EML1: variants seen among roughly 807,000 people sequenced by gnomAD.
EML1 encodes the protein echinoderm microtubule-associated protein-like 1.
In EML1, 27 loss-of-function variants were observed where a neutral mutation model predicts 110.4. The observed-to-expected ratio is 0.24, with a 90% CI of 0.18 to 0.34. EML1 has a LOEUF of 0.34. EML1 is among the 10% of genes least tolerant of loss of function. The probability of loss-of-function intolerance (pLI) is 1.00; values close to 1 mark genes in which losing one functional copy is unlikely to be tolerated. For synonymous variants in EML1, 344 were observed against 385.8 expected (o/e 0.89, Z 1.27); for missense variants, 741 against 1,030.9 (o/e 0.72, Z 3.85).
At chr14:99,866,208 C>T (rs1427783941) in intron 3 of EML1, among the ~76,000 whole-genome samples, 1 of 152,186 alleles carries the variant, frequency 6.6e-6, no homozygotes, top group East Asian at 1.9e-4. Context: ...TTTGGGAGGC[C>T]AAGGTGGGCG....
In EML1 at chr14:99,860,035, C is replaced by T. The variant is rs199741434; in HGVS notation, c.251-5479C>T. Among the ~76,000 whole-genome samples the T allele has an allele frequency of 1.1e-4, 16 of 152,210 alleles. No homozygotes were observed. In the East Asian group the frequency reaches 3.1e-3, roughly 30 times the overall value. Reference sequence around the variant, plus strand: ...ACCTTATTTTAGAAAGAATCCAAGGCGTGTGCTGTGTCTTCCAGCTCAGCT... The same window carrying T: ...ACCTTATTTTAGAAAGAATCCAAGGTGTGTGCTGTGTCTTCCAGCTCAGCT... On this transcript the variant is annotated intron_variant, in intron 2 of 21. Transcript: ENST00000262233.
intron 1 of EML1, among the ~76,000 whole-genome samples, chr14:99,842,370 A>C (rs886992306): frequency 5.3e-5 from 8 of 152,276 alleles, no homozygotes; most frequent in Non-Finnish European, 8.8e-5. Context: ...TGTACACAAG[A>C]AGGTTAAGAA....
chr14:99,873,619 A>G (rs1041749763), intron 3 of EML1, among the ~76,000 whole-genome samples: 1 of 152,182 alleles, frequency 6.6e-6, no homozygotes, highest in African/African-American at 2.4e-5. Flanking sequence ...GGTTCTCCCC[A>G]CTAGCTCGAG....
intron 1 of EML1, among the ~76,000 whole-genome samples, chr14:99,814,907 G>A (rs991805627): frequency 1.3e-5 from 2 of 152,152 alleles, no homozygotes; most frequent in African/African-American, 2.4e-5. Context: ...TCCTTGGAGG[G>A]TAGGTTGGAT....
In EML1 at chr14:99,939,875, A is replaced by ACGATAT; in HGVS notation, c.2323-112_2323-111insCGATAT. On this transcript the variant is annotated intron_variant, in intron 21 of 21. Coordinates refer to ENST00000262233, the MANE Select transcript of EML1 (RefSeq NM_004434.3). The surrounding 1 kb of genome is among the most constrained non-coding windows in gnomAD (Gnocchi z 4.2). ...GCAGGTTCCCAAGTGAGAGCTGCCG[A>ACGATAT]GCGGAGGGCGAGTAAAGGAATTAAG... 7.4e-7 allele frequency: 1 copy of ACGATAT among 1,348,058 alleles called. No individual in the cohort carries two copies. Among genetic ancestry groups the ACGATAT allele is most frequent in the Non-Finnish European group, 9.8e-7 (1 of 1,015,576 alleles). The allele number at this position is 1,348,058 out of a possible 1,614,324, so 83.5% of individuals were successfully genotyped here.
chr14:99,870,358 A>G (rs571622535), intron 3 of EML1, among the ~76,000 whole-genome samples: 57 of 152,354 alleles, frequency 3.7e-4, no homozygotes, highest in Middle Eastern at 3.4e-3. Flanking sequence ...TTAAGGGAAG[A>G]TGCCCTCTCC....
intron 2 of EML1, among the ~76,000 whole-genome samples, chr14:99,859,907 A>G (rs1196926671): frequency 2.6e-5 from 4 of 152,218 alleles, no homozygotes; most frequent in Non-Finnish European, 5.9e-5. Flanking sequence ...GATAATGGCT[A>G]CCACTTCTAG....
At chr14:99,756,453 T>TG (rs2140180954) in intron 1 of EML1, among the ~76,000 whole-genome samples, 1 of 152,340 alleles carries the variant, frequency 6.6e-6, no homozygotes, top group East Asian at 1.9e-4. Context: ...GGCCTCTGTC[T>TG]GGGGTTCCCA....
rs1258808713 is a variant in EML1, at chr14:99,897,223, C to T, written c.756C>T (p.Ser252=). The change falls in exon 7 of 22, where the codon TCC becomes TCT. Residue 252 remains serine (S), a synonymous_variant. Coordinates refer to ENST00000262233, the MANE Select transcript of EML1 (RefSeq NM_004434.3). The stretch of plus-strand genomic sequence containing the variant: ...GAGAGACCGTCTACTTCATCGCATC[C>T]GTGGTGGTGTTATACAACGTGGAGG... ...PTGETVYFIA[S]VVVLYNVEEQ... The T allele has an allele frequency of 4.3e-6, 7 of 1,613,006 alleles. No individual in the cohort carries two copies. The highest frequency in any genetic ancestry group is 1.1e-5 in the South Asian group (1 of 90,844).
chr14:99,756,885 C>T (rs897169980), intron 1 of EML1, among the ~76,000 whole-genome samples: 1 of 152,204 alleles, frequency 6.6e-6, no homozygotes, highest in Admixed American at 6.5e-5. Context: ...GCGGCCCGCA[C>T]TCTCACAGGG....
chr14:99,855,839 G>T (rs966472239), intron 2 of EML1, among the ~76,000 whole-genome samples: 1 of 152,150 alleles, frequency 6.6e-6, no homozygotes, highest in Non-Finnish European at 1.5e-5. Context: ...CTTCTGTTGG[G>T]GAGGTTAATA....
At chr14:99,782,685 G>A (rs531085611) in intron 1 of EML1, among the ~76,000 whole-genome samples, 5 of 152,138 alleles carry the variant, frequency 3.3e-5, no homozygotes, top group Admixed American at 1.3e-4. Context: ...TGGAGTCCTG[G>A]GACCATGGCA....
upstream of EML1, among the ~76,000 whole-genome samples, chr14:99,791,891 C>A (rs2057678481): frequency 6.6e-6 from 1 of 152,246 alleles, no homozygotes; most frequent in Admixed American, 6.5e-5. Flanking sequence ...CTTGTCTGCA[C>A]AATGTCTGCA....
chr14:99,939,524 G>A lies in EML1; in HGVS notation c.2322+197G>A, dbSNP rs548092548. On this transcript the variant is annotated intron_variant, in intron 21 of 21. Coordinates refer to ENST00000262233, the MANE Select transcript of EML1 (RefSeq NM_004434.3). This position sits in a 1 kb window ranked among gnomAD's most constrained non-coding sequence, Gnocchi z 4.2. ...CAAGCCCCACAGGACCCACAAAGCC[G>A]TTCAGAGCTGCTCATCCACCTCTGC... Among the ~76,000 whole-genome samples the A allele has an allele frequency of 6.6e-5, 10 of 152,146 alleles. No homozygotes were observed. Among genetic ancestry groups the A allele is most frequent in the East Asian group, 3.9e-4 (2 of 5,168 alleles).
At chr14:99,743,885 A>G (rs1172185781) in intron 1 of EML1, among the ~76,000 whole-genome samples, 1 of 152,040 alleles carries the variant, frequency 6.6e-6, no homozygotes, top group Non-Finnish European at 1.5e-5. Context: ...TTTATTTATC[A>G]TGTTTTTAAA....
At chr14:99,867,743 T>C (rs2059126680) in intron 3 of EML1, among the ~76,000 whole-genome samples, 3 of 152,224 alleles carry the variant, frequency 2.0e-5, no homozygotes, top group African/African-American at 7.2e-5. Flanking sequence ...GTTTTCTAAA[T>C]ATAAGATTCT....
At chr14:99,872,224 AC>A (rs1344521039) in intron 3 of EML1, among the ~76,000 whole-genome samples, 3 of 151,968 alleles carry the variant, frequency 2.0e-5, no homozygotes, top group East Asian at 1.9e-4. Flanking sequence ...TGGGTCTTAC[AC>A]CCCCACATTT....
intron 2 of EML1, among the ~76,000 whole-genome samples, chr14:99,863,900 AAACTGCCAGACT>A (rs1363256489): frequency 6.6e-6 from 1 of 152,270 alleles, no homozygotes; most frequent in African/African-American, 2.4e-5. Context: ...GCTTTATAAG[AAACTGCCAGACT>A]GTCTTCCACA....
intron 15 of EML1, among the ~76,000 whole-genome samples, chr14:99,916,975 G>A (rs920883780): frequency 6.6e-6 from 1 of 152,184 alleles, no homozygotes; most frequent in Non-Finnish European, 1.5e-5. Flanking sequence ...GACTGTGTGT[G>A]TGTTCCACTG....
Sources: gnomAD v4.1 joint callset for allele counts (sites outside exome capture counted in the v4.1 genomes callset) on GRCh38, gnomAD v4.1.1 for gene constraint, Gnocchi (gnomAD v3.1) non-coding constraint, MANE v1.5 for transcripts, NCBI Gene and HGNC (gene_info 2026-07-23, HGNC 2026-07-21) for gene names.